AGMO: variants seen among roughly 807,000 people sequenced by gnomAD.
AGMO encodes glyceryl-ether monooxygenase.
Under a neutral mutation model 60.2 loss-of-function variants are expected in AGMO, and 75 were observed. That is an observed-to-expected ratio of 1.25 (90% CI 1.03 to 1.51). AGMO has a LOEUF of 1.51. Among genes scored for constraint, AGMO ranks in the 40% most tolerant of loss-of-function variants. The pLI is 0.00. For missense variants in AGMO, 763 were observed against 525.5 expected (o/e 1.45, Z -4.42); for synonymous variants, 261 against 177.1 (o/e 1.47, Z -3.76).
rs866957106 is a variant in AGMO at position 15,322,598 on chromosome 7, A to G, written c.1263+42916T>C. Among the ~76,000 whole-genome samples the G allele has an allele frequency of 9.0e-3, 541 of 59,972 alleles. 71 individuals carry two copies. Among genetic ancestry groups the G allele is most frequent in the African/African-American group, 0.027 (287 of 10,504 alleles). 39.3% of individuals were successfully genotyped at this position (59,972 alleles called of 152,430 possible). ...TAAATATATATAAATATATAAATAT[A>G]TATAAATATATATAAATATATAAAT... On this transcript the variant is annotated intron_variant, in intron 12 of 12. Coordinates refer to ENST00000342526, the MANE Select transcript of AGMO (RefSeq NM_001004320.2).
chr7:15,368,805 G>T (rs1783087973), intron 10 of AGMO, among the ~76,000 whole-genome samples: 2 of 152,064 alleles, frequency 1.3e-5, no homozygotes, highest in South Asian at 4.2e-4. Flanking sequence ...ACTTTGGTTA[G>T]GAAATCTATG....
chr7:15,506,187 C>A (rs186185525), intron 3 of AGMO, among the ~76,000 whole-genome samples: 1 of 152,048 alleles, frequency 6.6e-6, no homozygotes, highest in Admixed American at 6.6e-5. Context: ...TCCAAAGATA[C>A]ACTGAGTAAA....
chr7:15,281,070 G>A (rs948545983), intron 12 of AGMO, among the ~76,000 whole-genome samples: 1 of 152,090 alleles, frequency 6.6e-6, no homozygotes, highest in Non-Finnish European at 1.5e-5. Flanking sequence ...CTACTCCTAG[G>A]GGAAGGGGGA....
chr7:15,253,513 C>T (rs1163929465), intron 12 of AGMO, among the ~76,000 whole-genome samples: 4 of 151,932 alleles, frequency 2.6e-5, no homozygotes. Context: ...CTTGCATTTC[C>T]TAATAATGAA....
In AGMO at chr7:15,343,827, A is replaced by C. The variant is rs928781327; in HGVS notation, c.1263+21687T>G. Among the ~76,000 whole-genome samples, 3 of 152,210 alleles carry C rather than the reference A, an allele frequency of 2.0e-5. No individual in the cohort carries two copies. In the East Asian group the frequency reaches 5.8e-4, roughly 29 times the overall value. ...AAGCAGAGAGATTCATTTATTACCT[A>C]GTATTGAAATAACGGACAAAACTTG... On this transcript the variant is annotated intron_variant, in intron 12 of 12. Transcript: ENST00000342526.
At chr7:15,125,333 C>G in the AGMO span, among the ~76,000 whole-genome samples, 2 of 152,024 alleles carry the variant, frequency 1.3e-5, no homozygotes, top group Non-Finnish European at 2.9e-5. Context: ...ACAGAATGAC[C>G]AGTGAGGTTT....
intron 2 of AGMO, among the ~76,000 whole-genome samples, chr7:15,555,570 G>A (rs1428854932): frequency 6.6e-6 from 1 of 151,746 alleles, no homozygotes; most frequent in African/African-American, 2.4e-5. Flanking sequence ...TTGTTAAATG[G>A]TATCACATTC....
In AGMO at chr7:15,492,358, GAAA is replaced by G. The variant is rs67387904; in HGVS notation, c.409+52411_409+52413del. ...TGCAAGTCATTTTGAGGCCCAATAC[GAAA>G]AAAAAAAAAAAAAAACATTAATAAT... On this transcript the variant is annotated intron_variant, in intron 3 of 12. Coordinates refer to ENST00000342526, the MANE Select transcript of AGMO (RefSeq NM_001004320.2). Among the ~76,000 whole-genome samples, 220 of 116,710 alleles carry G rather than the reference GAAA, an allele frequency of 1.9e-3. 1 individual carries two copies. The highest frequency in any genetic ancestry group is 6.5e-3 in the African/African-American group (200 of 30,972). 76.6% of individuals were successfully genotyped at this position (116,710 alleles called of 152,430 possible). A position where few individuals can be genotyped will look rare whatever the true frequency, so the allele number is the denominator to read the frequency against.
chr7:15,496,670 G>C (rs780188864), intron 3 of AGMO, among the ~76,000 whole-genome samples: 38 of 152,190 alleles, frequency 2.5e-4, no homozygotes, highest in Non-Finnish European at 5.3e-4. Flanking sequence ...CGAGTGGGTG[G>C]TTATGTGAGT....
chr7:15,531,541 A>G (rs1382389846), intron 3 of AGMO, among the ~76,000 whole-genome samples: 1 of 96,730 alleles, frequency 1.0e-5, no homozygotes, highest in East Asian at 3.2e-4. Flanking sequence ...TATTCTCTAT[A>G]TATATTCTAT....
At chr7:15,248,008 G>T (rs1171654049) in intron 12 of AGMO, among the ~76,000 whole-genome samples, 1 of 150,908 alleles carries the variant, frequency 6.6e-6, no homozygotes, top group Admixed American at 6.6e-5. Context: ...GTCTTAAAAA[G>T]AAGAGAGGAA....
the AGMO span, among the ~76,000 whole-genome samples, chr7:15,171,568 G>C: frequency 6.6e-6 from 1 of 152,204 alleles, no homozygotes; most frequent in East Asian, 1.9e-4. Context: ...TTCTGCATGG[G>C]GGAATTTTCT....
intron 3 of AGMO, among the ~76,000 whole-genome samples, chr7:15,478,429 C>T (rs1395163620): frequency 1.3e-5 from 2 of 152,176 alleles, no homozygotes; most frequent in Non-Finnish European, 2.9e-5. Flanking sequence ...AAATGTTTAA[C>T]TGCTTTATCC....
chr7:15,244,933 T>C (rs567811766), intron 12 of AGMO, among the ~76,000 whole-genome samples: 1 of 152,330 alleles, frequency 6.6e-6, no homozygotes, highest in South Asian at 2.1e-4. Context: ...ATTACAGGCG[T>C]AAGCCACCAC....
chr7:15,248,178 CCATATATATATATATATATATATA>C (rs1193034518), intron 12 of AGMO, among the ~76,000 whole-genome samples: 6 of 23,214 alleles, frequency 2.6e-4, no homozygotes, highest in African/African-American at 4.9e-4. Flanking sequence ...TGATCCAGCA[CCATATATATATATATATATATATA>C]TATATATATA....
At chr7:15,237,654 G>T (rs903052609) in intron 12 of AGMO, among the ~76,000 whole-genome samples, 1 of 151,888 alleles carries the variant, frequency 6.6e-6, no homozygotes, top group Admixed American at 6.6e-5. Flanking sequence ...TTCCCTTGTG[G>T]GTTTAAAATA....
At chr7:15,225,161 C>G (rs904752144) in intron 12 of AGMO, among the ~76,000 whole-genome samples, 2 of 151,542 alleles carry the variant, frequency 1.3e-5, no homozygotes, top group Admixed American at 1.3e-4. Flanking sequence ...TACCATCAGA[C>G]GAACATTTTT....
rs921638725 is a variant in AGMO, at chr7:15,490,250, T to C, written c.409+54522A>G. Among the ~76,000 whole-genome samples the C allele has an allele frequency of 3.3e-5, 5 of 152,336 alleles. No homozygotes were observed. The South Asian group carries it at 1.0e-3, about 32-fold the overall frequency. ...ATCAATTAAATTATTGTTCCTGAAA[T>C]TTTGATAATTTGTTTAAATCATTCA... On this transcript the variant is annotated intron_variant, in intron 3 of 12. Transcript: ENST00000342526.
At chr7:15,275,436 G>C (rs1022834932) in intron 12 of AGMO, among the ~76,000 whole-genome samples, 1 of 151,968 alleles carries the variant, frequency 6.6e-6, no homozygotes, top group Admixed American at 6.6e-5. Flanking sequence ...TTAATTGATT[G>C]AGATTTGCTT....
Sources: gnomAD v4.1 joint callset for allele counts (sites outside exome capture counted in the v4.1 genomes callset) on GRCh38, gnomAD v4.1.1 for gene constraint, MANE v1.5 for transcripts, NCBI Gene and HGNC (gene_info 2026-07-23, HGNC 2026-07-21) for gene names.